Variants in SCN8A observed in about 807,000 individuals in gnomAD.
The protein encoded by SCN8A is sodium channel protein type 8 subunit alpha.
In SCN8A, 30 loss-of-function variants were observed where a neutral mutation model predicts 184.1. The ratio of observed to expected loss-of-function variants is 0.16; its 90% CI spans 0.12 to 0.22. The LOEUF (loss-of-function observed/expected upper bound fraction) is 0.22. SCN8A is among the 10% of genes least tolerant of loss of function. SCN8A has a pLI of 1.00. For synonymous variants in SCN8A, 852 were observed against 907.0 expected, an observed-to-expected ratio of 0.94 and a Z score of 1.09; for missense variants, 1,057 against 2,498.9, an observed-to-expected ratio of 0.42 and a Z score of 12.30.
chr12:51,607,143 C>CACCTT (rs1939612439), intron 1 of SCN8A, among the ~76,000 whole-genome samples: 1 of 152,220 alleles, frequency 6.6e-6, no homozygotes, highest in South Asian at 2.1e-4. Context: ...ATAATCCACC[C>CACCTT]ACCTTGGCCT....
In SCN8A at chr12:51,811,431, A is replaced by C. The variant is rs970476795; in HGVS notation, c.*4002A>C. On this transcript the variant is annotated 3_prime_UTR_variant, in exon 27 of 27. Coordinates refer to ENST00000627620, the MANE Select transcript of SCN8A (RefSeq NM_001330260.2). ...CAGCCAACCCAGCTGGACTGGCCTT[A>C]CTTCTGCCTTTTTCACCTGTATGTT... The C allele has an allele frequency of 2.0e-5, 3 of 152,376 alleles. No individual in the cohort carries two copies. Among genetic ancestry groups the C allele is most frequent in the South Asian group, 2.1e-4 (1 of 4,828 alleles). The allele number at this position is 152,376 out of a possible 1,614,324, so 9.4% of individuals were successfully genotyped here. A position where few individuals can be genotyped will look rare whatever the true frequency, so the allele number is the denominator to read the frequency against.
chr12:51,735,891 A>AT (rs759120147), intron 12 of SCN8A, among the ~76,000 whole-genome samples: 3 of 151,852 alleles, frequency 2.0e-5, no homozygotes, highest in Non-Finnish European at 2.9e-5. Context: ...TATTTTACCT[A>AT]TTTCGCACCT....
At chr12:51,731,246 CTT>C (rs998591664) in intron 12 of SCN8A, among the ~76,000 whole-genome samples, 2 of 146,702 alleles carry the variant, frequency 1.4e-5, no homozygotes, top group Admixed American at 6.8e-5. Flanking sequence ...TTTTCTTCTT[CTT>C]TTTTTTTTTG....
Position 51,769,122 on chromosome 12 carries a change from C to G in SCN8A, c.3159C>G (p.Ile1053Met). The change falls in exon 17 of 27, where the codon ATC becomes ATG. Residue 1053 changes from isoleucine to methionine, a missense_variant. By Grantham distance (10) the Ile-to-Met change is conservative. Around this residue, in one of 19 missense-constraint regions of SCN8A, gnomAD observed 178 missense variants for 259.6 expected, o/e 0.69. Transcript: ENST00000627620. ...NCIANHTGAD[I>M]HRNGDFQKNG... ...TCGCCAATCACACCGGTGCAGACATCCACCGGAATGGTGACTTCCAGAAGA... is the reference window on the plus strand; with the variant it reads ...TCGCCAATCACACCGGTGCAGACATGCACCGGAATGGTGACTTCCAGAAGA... 6.2e-7 allele frequency: 1 copy of G among 1,613,380 alleles called. No individual in the cohort carries two copies. The highest frequency in any genetic ancestry group is 8.5e-7 in the Non-Finnish European group (1 of 1,179,600).
At chr12:51,747,177 C>G (rs1258423960) in intron 13 of SCN8A, among the ~76,000 whole-genome samples, 1 of 150,932 alleles carries the variant, frequency 6.6e-6, no homozygotes, top group Non-Finnish European at 1.5e-5. Flanking sequence ...GAAAAGAATT[C>G]TCTAAGGGTG....
At chr12:51,662,106 G>A (rs887409665) in intron 1 of SCN8A, among the ~76,000 whole-genome samples, 1 of 152,194 alleles carries the variant, frequency 6.6e-6, no homozygotes, top group Non-Finnish European at 1.5e-5. Flanking sequence ...TGCTAAGCAG[G>A]TGGCACTTAG....
intron 2 of SCN8A, among the ~76,000 whole-genome samples, chr12:51,679,252 T>C (rs940753443): frequency 6.6e-6 from 1 of 151,772 alleles, no homozygotes; most frequent in African/African-American, 2.4e-5. Context: ...AAAATAAAAA[T>C]AAAAGATAAG....
chr12:51,614,193 G>A (rs560938285), intron 1 of SCN8A, among the ~76,000 whole-genome samples: 2 of 152,062 alleles, frequency 1.3e-5, no homozygotes, highest in Admixed American at 6.5e-5. Flanking sequence ...TTTGTCCATC[G>A]ACTATACTTG....
intron 9 of SCN8A, among the ~76,000 whole-genome samples, chr12:51,703,233 GTTTTTTTTGT>G (rs1941722574): frequency 1.2e-5 from 1 of 86,228 alleles, no homozygotes. Context: ...GTTAGGGTTT[GTTTTTTTTGT>G]TTTGTTTTGT....
At chr12:51,598,824 CT>C (rs149915367) in intron 1 of SCN8A, among the ~76,000 whole-genome samples, 3,564 of 152,198 alleles carry the variant, frequency 0.023, 137 homozygotes, top group African/African-American at 0.081. Flanking sequence ...GTTCCATTGT[CT>C]TTTAAGGAAG....
intron 2 of SCN8A, among the ~76,000 whole-genome samples, chr12:51,679,417 G>T (rs1941286520): frequency 6.6e-6 from 1 of 152,178 alleles, no homozygotes; most frequent in Admixed American, 6.5e-5. Context: ...ATGGTTGGAT[G>T]TGTGAAAATG....
intron 26 of SCN8A, among the ~76,000 whole-genome samples, chr12:51,797,455 G>T (rs1292695596): frequency 6.6e-6 from 1 of 152,198 alleles, no homozygotes; most frequent in South Asian, 2.1e-4. Context: ...AACTGGTCAC[G>T]TGGTCGTAGC....
chr12:51,691,825 T>C (rs1941514613), intron 6 of SCN8A, among the ~76,000 whole-genome samples: 1 of 152,198 alleles, frequency 6.6e-6, no homozygotes, highest in African/African-American at 2.4e-5. Flanking sequence ...AGTAATGAAG[T>C]TTCCCTCATG....
At chr12:51,788,254 CTA>C (rs1288412341) in intron 22 of SCN8A, among the ~76,000 whole-genome samples, 1 of 143,494 alleles carries the variant, frequency 7.0e-6, no homozygotes, top group Non-Finnish European at 1.5e-5. Context: ...TTAAATCCAA[CTA>C]TGAGTTTTTC....
In SCN8A at chr12:51,743,693, C is replaced by T. The variant is rs185458812; in HGVS notation, c.1999-2210C>T. Among the ~76,000 whole-genome samples the T allele has an allele frequency of 4.6e-5, 7 of 152,346 alleles. No homozygotes were observed. In the East Asian group the frequency reaches 5.8e-4, roughly 13 times the overall value. The stretch of plus-strand genomic sequence containing the variant: ...ACTACATGGCTGCCACCTGTGTTCA[C>T]TCAGGGCCCTAGGGCTCTATAGTCA... On this transcript the variant is annotated intron_variant, in intron 12 of 26. Transcript: ENST00000627620.
chr12:51,691,005 C>T (rs778472878), intron 6 of SCN8A, among the ~76,000 whole-genome samples: 7 of 152,190 alleles, frequency 4.6e-5, no homozygotes, highest in Non-Finnish European at 8.8e-5. Flanking sequence ...GAAAGCTCAG[C>T]TCATTCTCCA....
chr12:51,811,221 A>C lies in SCN8A; in HGVS notation c.*3792A>C, dbSNP rs746304476. 1 of 152,136 alleles carries C rather than the reference A, an allele frequency of 6.6e-6. No homozygotes were observed. The highest frequency in any genetic ancestry group is 1.5e-5 in the Non-Finnish European group (1 of 68,050). 9.4% of individuals were successfully genotyped at this position (152,136 alleles called of 1,614,324 possible). A position where few individuals can be genotyped will look rare whatever the true frequency, so the allele number is the denominator to read the frequency against. ...GAAAGGAGGGGAATAGAGGGAAGAG[A>C]AATCAAAGGGGCTCTCGCAAAGTTC... is the stretch of plus-strand genomic sequence containing the variant. On this transcript the variant is annotated 3_prime_UTR_variant, in exon 27 of 27. Coordinates refer to ENST00000627620, the MANE Select transcript of SCN8A (RefSeq NM_001330260.2).
At position 51,789,428 on chromosome 12, in the gene SCN8A, C is replaced by T. The variant is rs1288139964; in HGVS notation, c.4419+10C>T. On this transcript the variant is annotated intron_variant, in intron 24 of 26. Coordinates refer to ENST00000627620, the MANE Select transcript of SCN8A (RefSeq NM_001330260.2). Reference sequence around the variant, plus strand: ...TCAACAAAAGAAAAAGATAGGTCTCCTCCCCTCATTGCCAGTGGTTGGAAG... The same window carrying T: ...TCAACAAAAGAAAAAGATAGGTCTCTTCCCCTCATTGCCAGTGGTTGGAAG... The T allele has an allele frequency of 8.1e-6, 13 of 1,613,578 alleles. No individual in the cohort carries two copies. Among genetic ancestry groups the T allele is most frequent in the Admixed American group, 1.7e-5 (1 of 59,980 alleles).
At chr12:51,798,239 C>T (rs1052509764) in intron 26 of SCN8A, among the ~76,000 whole-genome samples, 2 of 152,216 alleles carry the variant, frequency 1.3e-5, no homozygotes, top group African/African-American at 4.8e-5. Context: ...CATGAACCCA[C>T]TGCCGCACTT....
Sources: gnomAD v4.1 joint callset for allele counts (sites outside exome capture counted in the v4.1 genomes callset) on GRCh38, gnomAD v4.1.1 for gene constraint, gnomAD v4.1.1 regional missense constraint, MANE v1.5 for transcripts, NCBI Gene and HGNC (gene_info 2026-07-23, HGNC 2026-07-21) for gene names.